ANAPC4: variants seen among roughly 807,000 people sequenced by gnomAD.
The protein encoded by ANAPC4 is anaphase-promoting complex subunit 4.
ANAPC4 carries 63 observed loss-of-function variants against 119.8 expected under a neutral mutation model. That is an observed-to-expected ratio of 0.53 (90% CI 0.43 to 0.65). The LOEUF is 0.65. Ranked by LOEUF, ANAPC4 falls within the 30% of genes least tolerant of loss-of-function variation. The pLI, the probability that ANAPC4 is intolerant of heterozygous loss-of-function variation, is 0.00. For synonymous variants in ANAPC4, 283 were observed against 318.6 expected (o/e 0.89, Z 1.19); for missense variants, 716 against 945.1 (o/e 0.76, Z 3.18).
intron 20 of ANAPC4, among the ~76,000 whole-genome samples, chr4:25,408,686 GTGGAGA>G (rs1299270434): frequency 6.6e-6 from 1 of 151,720 alleles, no homozygotes; most frequent in Non-Finnish European, 1.5e-5. Flanking sequence ...TCTTTATTTT[GTGGAGA>G]CCTGCCATGT....
chr4:25,404,577 G>A (rs993001519), intron 17 of ANAPC4, among the ~76,000 whole-genome samples: 4 of 152,002 alleles, frequency 2.6e-5, no homozygotes, highest in African/African-American at 2.4e-5. Context: ...TATTCTAACT[G>A]TAGTAAGAAT....
chr4:25,386,206 C>T (rs968069261), intron 4 of ANAPC4, among the ~76,000 whole-genome samples: 1 of 151,952 alleles, frequency 6.6e-6, no homozygotes, highest in African/African-American at 2.4e-5. Context: ...AGCCTCAGCG[C>T]CTGGCCTTAT....
chr4:25,397,158 G>A (rs1156788882), intron 16 of ANAPC4, among the ~76,000 whole-genome samples: 1 of 152,116 alleles, frequency 6.6e-6, no homozygotes, highest in East Asian at 1.9e-4. Flanking sequence ...TCTATTTTTA[G>A]TTCTTCTATG....
intron 25 of ANAPC4, 157 bp from the exon 26 acceptor site, chr4:25,415,309 C>T: frequency 2.0e-6 from 1 of 494,344 alleles, no homozygotes; most frequent in East Asian, 3.3e-5. Context: ...TGATTTTAAA[C>T]CAAATTGGTT....
chr4:25,394,481 A>C (rs909077211), intron 12 of ANAPC4, 107 bp downstream of exon 12: 1 of 1,092,698 alleles, frequency 9.2e-7, no homozygotes, highest in African/African-American at 1.6e-5. Context: ...TAATTGATAC[A>C]TAATATTTTA....
intron 4 of ANAPC4, among the ~76,000 whole-genome samples, chr4:25,385,944 T>A (rs531707633): frequency 6.6e-6 from 1 of 152,322 alleles, no homozygotes; most frequent in East Asian, 1.9e-4. Context: ...TATTATTTAT[T>A]TTTGAGACGG....
rs1383921006 is a variant in ANAPC4 at position 25,390,989 on chromosome 4, GGTGCTT to G, written c.680_685del (p.Gly227_Ser229delinsAla). The G allele has an allele frequency of 1.2e-6, 2 of 1,613,074 alleles. No individual in the cohort carries two copies. Among genetic ancestry groups the G allele is most frequent in the African/African-American group, 2.7e-5 (2 of 74,874 alleles). The stretch of plus-strand genomic sequence containing the variant: ...AGTGGTCACAGAAGTCTCTACCAAT[GGTGCTT>G]CAGAAGTTTCATACTTTCAGGTGAG... On this transcript the variant is annotated inframe_deletion, in exon 9 of 29. Transcript: ENST00000315368.
intron 4 of ANAPC4, among the ~76,000 whole-genome samples, chr4:25,386,360 G>A (rs1228357849): frequency 6.6e-6 from 1 of 151,936 alleles, no homozygotes; most frequent in Non-Finnish European, 1.5e-5. Flanking sequence ...TTACAGGTGT[G>A]TGCCACCATG....
chr4:25,417,943 A>G (rs1723973710), intron 28 of ANAPC4: 1 of 851,102 alleles, frequency 1.2e-6, no homozygotes, highest in South Asian at 1.9e-5. Flanking sequence ...AGTTAATAAT[A>G]ATACTAGATT....
At chr4:25,394,464 A>G in intron 12 of ANAPC4, 90 bp downstream of exon 12, 1 of 1,186,060 alleles carries the variant, frequency 8.4e-7, no homozygotes, top group Non-Finnish European at 1.2e-6. Flanking sequence ...ATAGTATGTG[A>G]TTTTTTTAAT....
At chr4:25,390,525 A>G (rs1245762686) in intron 8 of ANAPC4, among the ~76,000 whole-genome samples, 2 of 152,160 alleles carry the variant, frequency 1.3e-5, no homozygotes, top group Non-Finnish European at 2.9e-5. Flanking sequence ...TCAATTTGTG[A>G]TTGGAATGTA....
intron 4 of ANAPC4, 36 bp downstream of exon 4, chr4:25,383,429 A>C: frequency 1.3e-6 from 2 of 1,503,218 alleles, no homozygotes; most frequent in South Asian, 1.4e-5. Context: ...TAGGGTATTC[A>C]TGAGATTTTT....
At position 25,414,481 on chromosome 4, in the gene ANAPC4, T is replaced by C; in HGVS notation, c.1701T>C (p.Arg567=). The change falls in exon 24 of 29, where the codon CGT becomes CGC. Residue 567 remains arginine (R), a synonymous_variant. Transcript: ENST00000315368. ...YRDTRSEDST[R]RLFKFPFLWN... ...TTTATTTTAGTGAGGATTCTACACGTAGATTGTTCAAATTTCCTTTTCTGT... is the reference window on the plus strand; with the variant it reads ...TTTATTTTAGTGAGGATTCTACACGCAGATTGTTCAAATTTCCTTTTCTGT... The C allele has an allele frequency of 2.5e-6, 4 of 1,600,608 alleles. No homozygotes were observed. Among genetic ancestry groups the C allele is most frequent in the Non-Finnish European group, 3.4e-6 (4 of 1,169,956 alleles).
chr4:25,406,685 C>T (rs1723268441), intron 18 of ANAPC4, 144 bp from the exon 19 acceptor site: 1 of 642,270 alleles, frequency 1.6e-6, no homozygotes, highest in Admixed American at 3.3e-5. Flanking sequence ...GTCGCATAAT[C>T]TATATTTCTT....
chr4:25,408,121 A>G (rs1197387887), intron 20 of ANAPC4, among the ~76,000 whole-genome samples: 1 of 152,200 alleles, frequency 6.6e-6, no homozygotes, highest in Non-Finnish European at 1.5e-5. Context: ...GTATCAGTGT[A>G]TATGAAAAAA....
chr4:25,392,613 T>A (rs1158097909), intron 10 of ANAPC4, among the ~76,000 whole-genome samples, 192 bp downstream of exon 10: 2 of 152,184 alleles, frequency 1.3e-5, no homozygotes, highest in Non-Finnish European at 2.9e-5. Context: ...CGCACCCTAT[T>A]TTCCACCTCC....
chr4:25,390,116 G>C lies in ANAPC4; in HGVS notation c.516-20G>C. 1 of 1,545,126 alleles carries C rather than the reference G, an allele frequency of 6.5e-7. No homozygotes were observed. Among genetic ancestry groups the C allele is most frequent in the Middle Eastern group, 1.7e-4 (1 of 5,932 alleles). ...TGTGTTGTTGATTGGTTCTCAGCTT[G>C]TTGCATTGTTTTTAATTAGGCTTAA... On this transcript the variant is annotated intron_variant, in intron 7 of 28. Coordinates refer to ENST00000315368, the MANE Select transcript of ANAPC4 (RefSeq NM_013367.3).
At position 25,399,325 on chromosome 4, in the gene ANAPC4, G is replaced by A. The variant is rs78711412; in HGVS notation, c.1214+2426G>A. On this transcript the variant is annotated intron_variant, in intron 16 of 28. Coordinates refer to ENST00000315368, the MANE Select transcript of ANAPC4 (RefSeq NM_013367.3). ...TGTCCAGTATGATAAGATGCAGTTC[G>A]GGATCACGTATTTGTTTTAGTTGCT... 5.5e-3 allele frequency among the ~76,000 whole-genome samples: 830 copies of A among 152,146 alleles called. 4 individuals carry two copies. The highest frequency in any genetic ancestry group is 0.017 in the African/African-American group (689 of 41,488).
intron 7 of ANAPC4, among the ~76,000 whole-genome samples, chr4:25,389,804 T>A (rs867295007): frequency 2.3e-4 from 35 of 152,232 alleles, no homozygotes; most frequent in African/African-American, 6.5e-4. Flanking sequence ...ATCATAACCA[T>A]GATAAAACTG....
Sources: allele counts gnomAD v4.1 joint callset (sites outside exome capture counted in the v4.1 genomes callset), GRCh38; gene constraint gnomAD v4.1.1; transcripts MANE v1.5; gene names NCBI Gene and HGNC (gene_info 2026-07-23, HGNC 2026-07-21).